Variants in CRTC3 observed in about 807,000 individuals in gnomAD.
CRTC3 encodes the protein CREB regulated transcription coactivator 3.
CRTC3 carries 26 observed loss-of-function variants against 74.5 expected under a neutral mutation model. The observed-to-expected ratio is 0.35, with a 90% confidence interval of 0.26 to 0.48. The LOEUF is 0.48. Ranked by LOEUF, CRTC3 falls within the 20% of genes least tolerant of loss-of-function variation. The pLI, the probability that CRTC3 is intolerant of heterozygous loss-of-function variation, is 0.99. For synonymous variants in CRTC3, 377 were observed against 325.8 expected, an observed-to-expected ratio of 1.16 and a Z score of -1.69; for missense variants, 760 against 787.3, an observed-to-expected ratio of 0.97 and a Z score of 0.41.
At chr15:90,532,364 C>A (rs1966641595) in intron 1 of CRTC3, among the ~76,000 whole-genome samples, 1 of 152,296 alleles carries the variant, frequency 6.6e-6, no homozygotes, top group Middle Eastern at 3.4e-3. Flanking sequence ...CTCTAAGGAT[C>A]CAAAGATCCC....
chr15:90,620,616 C>T (rs989277996), intron 9 of CRTC3, among the ~76,000 whole-genome samples: 3 of 151,984 alleles, frequency 2.0e-5, no homozygotes, highest in African/African-American at 4.8e-5. Context: ...ACAGAGAGGA[C>T]CCCTTGGAAC....
In CRTC3 at chr15:90,641,130, C is replaced by G. The variant is rs760755548; in HGVS notation, c.1582C>G (p.Gln528Glu). ...GGTGCAACAAGGTTCCCGAGAACTGCAGGACTCTTTTCATTTGAGACCAAG... is the reference window on the plus strand; with the variant it reads ...GGTGCAACAAGGTTCCCGAGAACTGGAGGACTCTTTTCATTTGAGACCAAG... ...PLVQQGSREL[Q>E]DSFHLRPSPY... Residue 528 changes from glutamine (Q) to glutamate (E), a missense_variant, in exon 14 of 15, where the codon CAG becomes GAG. Gln to Glu is a conservative substitution (Grantham distance 29, BLOSUM62 2). Transcript: ENST00000268184. The G allele has an allele frequency of 1.2e-6, 2 of 1,613,910 alleles. No homozygotes were observed. The highest frequency in any genetic ancestry group is 3.3e-5 in the Admixed American group (2 of 59,990).
chr15:90,636,723 C>T (rs897098077), intron 11 of CRTC3, among the ~76,000 whole-genome samples: 3 of 151,892 alleles, frequency 2.0e-5, no homozygotes, highest in East Asian at 1.9e-4. Context: ...AACAAACAAC[C>T]CCATCAAAAA....
At chr15:90,614,566 A>C in intron 7 of CRTC3, 78 bp downstream of exon 7, 2 of 978,846 alleles carry the variant, frequency 2.0e-6, no homozygotes, top group Non-Finnish European at 3.2e-6. Flanking sequence ...CTTTACTAAT[A>C]AATATTCATG....
intron 3 of CRTC3, 102 bp downstream of exon 3, chr15:90,593,857 A>C: frequency 8.1e-7 from 1 of 1,233,906 alleles, no homozygotes; most frequent in Non-Finnish European, 1.1e-6. Context: ...CAGAATCTTC[A>C]TTTATCTGAT....
At chr15:90,571,033 G>A (rs1596090863) in intron 2 of CRTC3, among the ~76,000 whole-genome samples, 3 of 152,104 alleles carry the variant, frequency 2.0e-5, no homozygotes, top group African/African-American at 4.8e-5. Context: ...CCTTTTCTAC[G>A]TTCCTAAATT....
intron 9 of CRTC3, 100 bp from the exon 10 acceptor site, chr15:90,625,676 G>A (rs1968807792): frequency 9.3e-7 from 1 of 1,069,554 alleles, no homozygotes; most frequent in Non-Finnish European, 1.4e-6. Context: ...GTCTTTTGTA[G>A]CCACTGCTCT....
chr15:90,600,810 T>G (rs771851175), intron 3 of CRTC3, among the ~76,000 whole-genome samples: 4 of 152,250 alleles, frequency 2.6e-5, no homozygotes, highest in Non-Finnish European at 5.9e-5. Flanking sequence ...AAAGTATTAT[T>G]GGTAACTGCC....
chr15:90,620,902 C>T (rs1968628071), intron 9 of CRTC3, among the ~76,000 whole-genome samples: 1 of 152,134 alleles, frequency 6.6e-6, no homozygotes, highest in African/African-American at 2.4e-5. Flanking sequence ...CACAGCAGCG[C>T]AGTCAAGGCA....
At chr15:90,627,748 AG>A in intron 10 of CRTC3, among the ~76,000 whole-genome samples, 1 of 148,968 alleles carries the variant, frequency 6.7e-6, no homozygotes, top group East Asian at 2.0e-4. Flanking sequence ...CAGCCTCCCC[AG>A]TAGCTGGGAC....
At chr15:90,598,008 A>C (rs7175391) in intron 3 of CRTC3, 150,750 of 161,072 alleles carry the variant, frequency 0.94, 70,740 homozygotes, top group Middle Eastern at 0.99. Flanking sequence ...GGCCAGTTTT[A>C]TATATTAAAT....
chr15:90,585,007 C>G (rs993431606), intron 2 of CRTC3, among the ~76,000 whole-genome samples: 1 of 152,178 alleles, frequency 6.6e-6, no homozygotes, highest in African/African-American at 2.4e-5. Flanking sequence ...ACTACTGGAG[C>G]CAACGTCAAT....
At chr15:90,535,681 A>G (rs1966707945) in intron 1 of CRTC3, among the ~76,000 whole-genome samples, 1 of 151,992 alleles carries the variant, frequency 6.6e-6, no homozygotes, top group Non-Finnish European at 1.5e-5. Context: ...AGACATAGAT[A>G]TGTCATAGAT....
At chr15:90,544,616 A>G (rs1213683845) in intron 2 of CRTC3, among the ~76,000 whole-genome samples, 2 of 152,204 alleles carry the variant, frequency 1.3e-5, no homozygotes, top group African/African-American at 4.8e-5. Flanking sequence ...AAACATTCAC[A>G]TACAGTTTTT....
chr15:90,579,634 C>CTTTTTTTTTTTTTTTTTTT (rs146273285), intron 2 of CRTC3, among the ~76,000 whole-genome samples: 1 of 84,198 alleles, frequency 1.2e-5, no homozygotes, highest in Non-Finnish European at 2.2e-5. Context: ...ACGTATTTCA[C>CTTTTTTTTTTTTTTTTTTT]TTTTTTTTTT....
Position 90,629,544 on chromosome 15 carries a change from C to G in CRTC3, c.1266+12C>G, listed in dbSNP as rs1968963344. The G allele has an allele frequency of 6.2e-7, 1 of 1,612,728 alleles. No homozygotes were observed. The highest frequency in any genetic ancestry group is 8.5e-7 in the Non-Finnish European group (1 of 1,178,806). On this transcript the variant is annotated intron_variant, in intron 11 of 14. Coordinates refer to ENST00000268184, the MANE Select transcript of CRTC3 (RefSeq NM_022769.5). ...ATCCTACCTCCCAGGTAAACACACA[C>G]AGACAGACCAACCACTACAGTGAAA... is the stretch of plus-strand genomic sequence containing the variant.
chr15:90,633,668 ATTTC>A, intron 11 of CRTC3, among the ~76,000 whole-genome samples: 1 of 151,662 alleles, frequency 6.6e-6, no homozygotes, highest in East Asian at 1.9e-4. Context: ...AATGTTCTTT[ATTTC>A]TTCAATGATT....
At chr15:90,640,152 C>A (rs1195979980) in intron 13 of CRTC3, among the ~76,000 whole-genome samples, 1 of 152,122 alleles carries the variant, frequency 6.6e-6, no homozygotes, top group East Asian at 1.9e-4. Context: ...TCCTTGCCTC[C>A]CTGTTTCCCA....
At position 90,645,020 on chromosome 15, in the gene CRTC3, C is replaced by T. The variant is rs544831600; in HGVS notation, c.*2880C>T. On this transcript the variant is annotated 3_prime_UTR_variant, in exon 15 of 15. Coordinates refer to ENST00000268184, the MANE Select transcript of CRTC3 (RefSeq NM_022769.5). ...TGAATTCTCCTTTGTCCTGTTTCTC[C>T]TGTTTCATTTCTCCTCCGCCTGCTG... The T allele has an allele frequency of 1.8e-4, 41 of 231,940 alleles. No homozygotes were observed. Among genetic ancestry groups the T allele is most frequent in the Admixed American group, 1.7e-3 (30 of 17,758 alleles). 14.4% of individuals were successfully genotyped at this position (231,940 alleles called of 1,614,324 possible).
Sources: gnomAD v4.1 joint callset for allele counts (sites outside exome capture counted in the v4.1 genomes callset) on GRCh38, gnomAD v4.1.1 for gene constraint, MANE v1.5 for transcripts, NCBI Gene and HGNC (gene_info 2026-07-23, HGNC 2026-07-21) for gene names.